Variants in DMD observed in about 807,000 individuals in gnomAD.
The protein encoded by DMD is dystrophin.
A neutral mutation model predicts 330.1 loss-of-function variants in DMD; 63 were observed. The ratio of observed to expected loss-of-function variants is 0.19; its 90% CI spans 0.16 to 0.24. The LOEUF (loss-of-function observed/expected upper bound fraction) is 0.24, where lower values mean the gene tolerates loss of function less well. Ranked by LOEUF, DMD falls within the 10% of genes least tolerant of loss-of-function variation. DMD has a pLI of 1.00. For missense variants in DMD, 3,344 were observed against 2,684.1 expected (o/e 1.25, Z -5.43); for synonymous variants, 1,223 against 959.8 (o/e 1.27, Z -5.07).
chrX:31,704,584 A>G (rs1353452341), intron 52 of DMD, among the ~76,000 whole-genome samples: 1 of 112,072 alleles, frequency 8.9e-6, no homozygotes, highest in Non-Finnish European at 1.9e-5. Flanking sequence ...AAGATACAGA[A>G]TAGCATTTTG....
intron 1 of DMD, among the ~76,000 whole-genome samples, chrX:33,203,988 C>T (rs1362203784): frequency 9.0e-6 from 1 of 111,108 alleles, no homozygotes; most frequent in Non-Finnish European, 1.9e-5. Flanking sequence ...GATTCTATCT[C>T]ATATACAAAT....
intron 2 of DMD, among the ~76,000 whole-genome samples, chrX:33,013,898 T>C (rs754612350): frequency 9.3e-6 from 1 of 107,281 alleles, no homozygotes; most frequent in Non-Finnish European, 1.9e-5. Flanking sequence ...ATACAGAGTG[T>C]AATAGGATAG....
chrX:32,548,340 A>T (rs990312811), intron 16 of DMD, among the ~76,000 whole-genome samples: 2 of 111,750 alleles, frequency 1.8e-5, no homozygotes, highest in African/African-American at 6.5e-5. Flanking sequence ...TAATCAAGTA[A>T]TTTTCTCTTT....
chrX:31,371,291 G>A lies in DMD; in HGVS notation c.9085-22657C>T, dbSNP rs745642861. 1.2e-4 allele frequency among the ~76,000 whole-genome samples: 13 copies of A among 108,823 alleles called. No individual in the cohort carries two copies. In the South Asian group the frequency reaches 4.2e-3, roughly 35 times the overall value. The allele number at this position is 108,823 out of a possible 115,157, so 94.5% of individuals were successfully genotyped here. ...TGTATCAATGACTGAATTTTCATCAGATTAGTTATATTGAATATTAATTCT... is the reference window on the plus strand; with the variant it reads ...TGTATCAATGACTGAATTTTCATCAAATTAGTTATATTGAATATTAATTCT... On this transcript the variant is annotated intron_variant, in intron 60 of 78. Coordinates refer to ENST00000357033, the MANE Select transcript of DMD (RefSeq NM_004006.3).
intron 7 of DMD, among the ~76,000 whole-genome samples, chrX:32,730,404 C>G (rs775343182): frequency 6.3e-5 from 7 of 111,884 alleles, no homozygotes; most frequent in Non-Finnish European, 9.4e-5. Context: ...TGATCCAATC[C>G]ATGAGTTTTA....
chrX:32,496,725 TCTTC>T (rs1016981983), intron 19 of DMD, among the ~76,000 whole-genome samples: 3 of 112,857 alleles, frequency 2.7e-5, no homozygotes, highest in Non-Finnish European at 5.6e-5. Flanking sequence ...CCACAGAGGC[TCTTC>T]CTTTTGGAGA....
intron 1 of DMD, among the ~76,000 whole-genome samples, chrX:33,139,046 C>T (rs771393960): frequency 3.5e-4 from 39 of 111,237 alleles, no homozygotes; most frequent in Non-Finnish European, 6.2e-4. Context: ...AAGTGACTCA[C>T]GTCTGTAATC....
chrX:32,545,054 C>A (rs1292599814), intron 17 of DMD, 105 bp downstream of exon 17: 1 of 788,168 alleles, frequency 1.3e-6, no homozygotes, highest in East Asian at 3.4e-5. Flanking sequence ...TTACAGGTAC[C>A]CGAGGATTCT....
intron 18 of DMD, among the ~76,000 whole-genome samples, chrX:32,509,089 C>T (rs774262984): frequency 1.0e-4 from 11 of 108,414 alleles, no homozygotes; most frequent in Non-Finnish European, 1.9e-4. Context: ...AGATTACAGG[C>T]GTGAGCCACC....
chrX:32,056,754 C>A (rs1245576866), intron 44 of DMD, among the ~76,000 whole-genome samples: 2 of 111,106 alleles, frequency 1.8e-5, no homozygotes, highest in Non-Finnish European at 3.8e-5. Context: ...GAGAAGAGAA[C>A]ACTTCCAAGC....
At chrX:31,860,101 T>TA (rs111527696) in intron 48 of DMD, among the ~76,000 whole-genome samples, 106 of 103,605 alleles carry the variant, frequency 1.0e-3, no homozygotes, top group Admixed American at 3.6e-3. Context: ...TTAGAGTACA[T>TA]AAAAAAAAAA....
rs1385369769 is a variant in DMD, at chrX:32,407,126, G to A, written c.4233+4626C>T. On this transcript the variant is annotated intron_variant, in intron 30 of 78. Coordinates refer to ENST00000357033, the MANE Select transcript of DMD (RefSeq NM_004006.3). Reference sequence around the variant, plus strand: ...CAACAAAAGCCAAAATTGACAAATGGGATCTAATTAAACTAAAGAGCTTCT... The same window carrying A: ...CAACAAAAGCCAAAATTGACAAATGAGATCTAATTAAACTAAAGAGCTTCT... Among the ~76,000 whole-genome samples the A allele has an allele frequency of 5.4e-5, 6 of 111,344 alleles. No individual in the cohort carries two copies. In the East Asian group the frequency reaches 1.4e-3, roughly 26 times the overall value.
intron 55 of DMD, among the ~76,000 whole-genome samples, chrX:31,516,070 G>A (rs5927760): frequency 0.21 from 22,897 of 110,327 alleles, 1,856 homozygotes; most frequent in Middle Eastern, 0.3. Flanking sequence ...ACACTCATAC[G>A]TATACACACA....
At chrX:32,916,255 T>A (rs2087791050) in intron 2 of DMD, among the ~76,000 whole-genome samples, 2 of 111,710 alleles carry the variant, frequency 1.8e-5, no homozygotes, top group Non-Finnish European at 3.8e-5. Context: ...CTATTTCTAT[T>A]AACACAATTA....
rs1161848677 is a variant in DMD at position 33,009,950 on chromosome X, G to A, written c.93+10189C>T. Among the ~76,000 whole-genome samples the A allele has an allele frequency of 6.5e-5, 5 of 76,641 alleles. 1 individual carries two copies. The highest frequency in any genetic ancestry group is 7.7e-5 in the African/African-American group (1 of 13,049). The allele number at this position is 76,641 out of a possible 115,157, so 66.6% of individuals were successfully genotyped here. A position where few individuals can be genotyped will look rare whatever the true frequency, so the allele number is the denominator to read the frequency against. On this transcript the variant is annotated intron_variant, in intron 2 of 78. Coordinates refer to ENST00000357033, the MANE Select transcript of DMD (RefSeq NM_004006.3). ...TACACATGTGTGTATATACACGTGT[G>A]TATGTGTATATACACATATGTGTGT...
At chrX:32,397,981 C>T (rs1303557606) in intron 30 of DMD, among the ~76,000 whole-genome samples, 2 of 110,554 alleles carry the variant, frequency 1.8e-5, no homozygotes, top group Non-Finnish European at 3.8e-5. Flanking sequence ...GATGGAGGAA[C>T]GTACCACTGT....
At chrX:33,061,617 AAG>A (rs200158253) in intron 1 of DMD, among the ~76,000 whole-genome samples, 2,391 of 111,777 alleles carry the variant, frequency 0.021, 48 homozygotes, top group African/African-American at 0.074. Context: ...GACACTGCAG[AAG>A]AGGATTATAT....
intron 74 of DMD, among the ~76,000 whole-genome samples, chrX:31,157,032 T>C (rs2038215886): frequency 8.9e-6 from 1 of 112,103 alleles, no homozygotes; most frequent in Non-Finnish European, 1.9e-5. Context: ...TTAAGATCAC[T>C]AGGATGAGAT....
intron 60 of DMD, among the ~76,000 whole-genome samples, chrX:31,394,962 A>AGAGAGAGAGAGAGAGAGAGAGAGAGAGAG (rs2060854934): frequency 1.8e-5 from 2 of 108,716 alleles, no homozygotes; most frequent in Non-Finnish European, 3.8e-5. Flanking sequence ...AGAGAGAGAG[A>AGAGAGAGAGAGAGAGAGAGAGAGAGAGAG]CCAAGTGTGG....
Sources: gnomAD v4.1 joint callset for allele counts (sites outside exome capture counted in the v4.1 genomes callset) on GRCh38, gnomAD v4.1.1 for gene constraint, MANE v1.5 for transcripts, NCBI Gene and HGNC (gene_info 2026-07-23, HGNC 2026-07-21) for gene names.